FRMPD4: variants seen among roughly 807,000 people sequenced by gnomAD.
FRMPD4 encodes the protein FERM and PDZ domain-containing protein 4.
A neutral mutation model predicts 94.1 loss-of-function variants in FRMPD4; 22 were observed. The ratio of observed to expected loss-of-function variants is 0.23; its 90% CI spans 0.17 to 0.33. The LOEUF (loss-of-function observed/expected upper bound fraction) is 0.33, where lower values mean the gene tolerates loss of function less well. Ranked by LOEUF, FRMPD4 falls within the 10% of genes least tolerant of loss-of-function variation. FRMPD4 has a pLI of 1.00. For synonymous variants in FRMPD4, 631 were observed against 548.6 expected, an observed-to-expected ratio of 1.15 and a Z score of -2.10; for missense variants, 1,111 against 1,339.9, an observed-to-expected ratio of 0.83 and a Z score of 2.67.
intron 3 of FRMPD4, among the ~76,000 whole-genome samples, chrX:11,879,371 A>G (rs189867268): frequency 3.6e-5 from 4 of 111,887 alleles, no homozygotes; most frequent in Admixed American, 2.9e-4. Flanking sequence ...ATAACATTCA[A>G]AGAAATAGAT....
intron 1 of FRMPD4, among the ~76,000 whole-genome samples, chrX:12,438,168 G>A (rs755102482): frequency 1.8e-5 from 2 of 110,877 alleles, no homozygotes; most frequent in African/African-American, 3.3e-5. Flanking sequence ...AGGTTTTCAG[G>A]TGACGTTATA....
intron 1 of FRMPD4, among the ~76,000 whole-genome samples, chrX:12,416,897 G>GA (rs1327522558): frequency 2.7e-4 from 30 of 111,497 alleles, no homozygotes; most frequent in Non-Finnish European, 3.6e-4. Flanking sequence ...GGGAACACCA[G>GA]AAAAAAAATT....
intron 3 of FRMPD4, among the ~76,000 whole-genome samples, chrX:12,076,966 C>G (rs1160606300): frequency 8.9e-6 from 1 of 111,924 alleles, no homozygotes; most frequent in Non-Finnish European, 1.9e-5. Flanking sequence ...CTATCCCTGC[C>G]TCCAGTTCTT....
At chrX:12,547,186 C>T (rs906833457) in intron 2 of FRMPD4, among the ~76,000 whole-genome samples, 8 of 111,028 alleles carry the variant, frequency 7.2e-5, no homozygotes, top group South Asian at 3.9e-4. Context: ...GCTCCTGCAA[C>T]GATGCCACAG....
At chrX:12,263,035 T>C (rs2054216691) in intron 1 of FRMPD4, among the ~76,000 whole-genome samples, 2 of 111,673 alleles carry the variant, frequency 1.8e-5, no homozygotes, top group African/African-American at 3.3e-5. Context: ...TTGTTATTTC[T>C]ACAAGAGGGA....
At position 12,710,388 on chromosome X, in the gene FRMPD4, C is replaced by A. The variant is rs773873977; in HGVS notation, c.1471-11C>A. 359 of 1,194,316 alleles carry A rather than the reference C, an allele frequency of 3.0e-4. 2 individuals carry two copies. In the South Asian group the frequency reaches 6.0e-3, roughly 20 times the overall value. ...TGGATGGCTTTAACCAAAGTGTTCT[C>A]TTTTGTGTAGCCTATCACGCTTCTG... On this transcript the variant is annotated splice_polypyrimidine_tract_variant and intron_variant, in intron 13 of 16. Coordinates refer to ENST00000675598, the MANE Select transcript of FRMPD4 (RefSeq NM_001368397.1).
In FRMPD4 at chrX:11,966,522, T is replaced by TATC. The variant is rs369305902; in HGVS notation, c.95+88531_95+88533dup. 4.0e-3 allele frequency among the ~76,000 whole-genome samples: 438 copies of TATC among 109,861 alleles called. 1 individual carries two copies. The highest frequency in any genetic ancestry group is 8.6e-3 in the African/African-American group (261 of 30,315). ...GTATTTTATTATAGCAGCCCAGATT[T>TATC]ATCATCATCATCATCATCATCATCA... On this transcript the variant is annotated intron_variant, in intron 3 of 18. Coordinates refer to the FRMPD4 transcript ENST00000640291.
chrX:12,572,983 C>T (rs147287354), intron 2 of FRMPD4, among the ~76,000 whole-genome samples: 2,237 of 112,274 alleles, frequency 0.02, 27 homozygotes, highest in Middle Eastern at 0.032. Context: ...GACACAGATA[C>T]TTTGACTAAT....
chrX:12,085,726 G>A (rs1317775065), intron 3 of FRMPD4, among the ~76,000 whole-genome samples: 21 of 109,424 alleles, frequency 1.9e-4, no homozygotes, highest in African/African-American at 7.0e-4. Context: ...ATAAAAATTA[G>A]CCAGGGGTGG....
At chrX:11,987,779 G>A (rs1786756611) in intron 3 of FRMPD4, among the ~76,000 whole-genome samples, 1 of 111,383 alleles carries the variant, frequency 9.0e-6, no homozygotes, top group African/African-American at 3.3e-5. Context: ...TATGCCAACA[G>A]TGAACAATCT....
chrX:12,063,887 A>G (rs1217609769), intron 3 of FRMPD4, among the ~76,000 whole-genome samples: 1 of 112,776 alleles, frequency 8.9e-6, no homozygotes, highest in African/African-American at 3.2e-5. Flanking sequence ...TGTTTATTTC[A>G]TCTAGGTTTT....
At chrX:11,902,513 G>A (rs760066422) in intron 3 of FRMPD4, among the ~76,000 whole-genome samples, 1 of 111,744 alleles carries the variant, frequency 8.9e-6, no homozygotes, top group Admixed American at 9.5e-5. Context: ...TAATTCCATC[G>A]TGGGGACTCC....
At chrX:12,550,296 T>G (rs1387301293) in intron 2 of FRMPD4, among the ~76,000 whole-genome samples, 1 of 109,722 alleles carries the variant, frequency 9.1e-6, no homozygotes, top group East Asian at 2.8e-4. Flanking sequence ...ATAAAATTGA[T>G]AGACAATAAA....
Position 12,588,742 on chromosome X carries a change from G to A in FRMPD4, c.159-20979G>A, listed in dbSNP as rs1460002558. ...TGAAATCTCCCACGCCACAAGGAAT[G>A]CCAATTTGCTTAAAACATCAGTTGC... is the stretch of plus-strand genomic sequence containing the variant. On this transcript the variant is annotated intron_variant, in intron 2 of 16. Transcript: ENST00000675598. 2.7e-5 allele frequency among the ~76,000 whole-genome samples: 3 copies of A among 112,196 alleles called. No individual in the cohort carries two copies. In the Admixed American group the frequency reaches 2.8e-4, roughly 11 times the overall value.
chrX:12,723,930 A>C lies in FRMPD4; in HGVS notation c.*2072A>C, dbSNP rs1237626885. 8.9e-6 allele frequency: 1 copy of C among 111,945 alleles called. No homozygotes were observed. The highest frequency in any genetic ancestry group is 2.8e-4 in the East Asian group (1 of 3,615). The allele number at this position is 111,945 out of a possible 1,213,427, so 9.2% of individuals were successfully genotyped here. A position where few individuals can be genotyped will look rare whatever the true frequency, so the allele number is the denominator to read the frequency against. On this transcript the variant is annotated 3_prime_UTR_variant, in exon 17 of 17. Coordinates refer to ENST00000675598, the MANE Select transcript of FRMPD4 (RefSeq NM_001368397.1). Reference sequence around the variant, plus strand: ...TAAGATCGATTTCCATAGGGTTGTCATGAGTTTTGAGTAAAAATGTGTATG... The same window carrying C: ...TAAGATCGATTTCCATAGGGTTGTCCTGAGTTTTGAGTAAAAATGTGTATG...
At chrX:12,647,075 A>C (rs1329355328) in intron 4 of FRMPD4, among the ~76,000 whole-genome samples, 1 of 111,564 alleles carries the variant, frequency 9.0e-6, no homozygotes, top group Non-Finnish European at 1.9e-5. Flanking sequence ...ACCGCTCAAA[A>C]TGTGAGGCCT....
chrX:12,351,043 G>A (rs763052738), intron 1 of FRMPD4, among the ~76,000 whole-genome samples: 37 of 110,519 alleles, frequency 3.3e-4, no homozygotes, highest in Admixed American at 6.7e-4. Context: ...GTGTGGTGGC[G>A]CGTGCCTGTA....
At chrX:12,378,581 G>A (rs751100030) in intron 1 of FRMPD4, among the ~76,000 whole-genome samples, 26 of 112,487 alleles carry the variant, frequency 2.3e-4, no homozygotes, top group Non-Finnish European at 4.5e-4. Flanking sequence ...ACAGAATCCA[G>A]TAATTCAAAG....
intron 5 of FRMPD4, among the ~76,000 whole-genome samples, chrX:12,681,794 A>T (rs1282264631): frequency 8.9e-6 from 1 of 111,745 alleles, no homozygotes; most frequent in Non-Finnish European, 1.9e-5. Flanking sequence ...AGTAAAATAC[A>T]CATAACATAA....
Sources: allele counts gnomAD v4.1 joint callset (sites outside exome capture counted in the v4.1 genomes callset), GRCh38; gene constraint gnomAD v4.1.1; transcripts MANE v1.5; gene names NCBI Gene and HGNC (gene_info 2026-07-23, HGNC 2026-07-21).